The following NFATC2 variants were observed in gnomAD, a reference collection of about 807,000 sequenced individuals.
NFATC2 encodes nuclear factor of activated T cells 2, also known as nuclear factor of activated T-cells, cytoplasmic 2.
A neutral mutation model predicts 87.3 loss-of-function variants in NFATC2; 22 were observed. The observed-to-expected ratio is 0.25, with a 90% CI of 0.18 to 0.36. The LOEUF is 0.36. NFATC2 is among the 10% of genes least tolerant of loss of function. The pLI is 1.00. For synonymous variants in NFATC2, 565 were observed against 542.2 expected, an observed-to-expected ratio of 1.04 and a Z score of -0.58; for missense variants, 1,149 against 1,259.1, an observed-to-expected ratio of 0.91 and a Z score of 1.32.
At chr20:51,518,923 C>G (rs2076397284) in intron 2 of NFATC2, among the ~76,000 whole-genome samples, 1 of 152,172 alleles carries the variant, frequency 6.6e-6, no homozygotes, top group Non-Finnish European at 1.5e-5. Context: ...GCTTCAGCCT[C>G]CTGAGTAGCT....
intron 9 of NFATC2, among the ~76,000 whole-genome samples, chr20:51,430,334 T>A (rs761376): frequency 0.84 from 128,138 of 152,152 alleles, 53,978 homozygotes; most frequent in South Asian, 0.89. Context: ...TCATTGATCC[T>A]CCACGTTCTG....
Position 51,522,213 on chromosome 20 carries a change from C to A in NFATC2, c.1160+868G>T, listed in dbSNP as rs529382645. ...ATCTAATCCATTTTTTAAAAAAACA[C>A]AAGGTAGGTTCTATTATTTTCTCAC... On this transcript the variant is annotated intron_variant, in intron 2 of 10. Transcript: ENST00000371564. Among the ~76,000 whole-genome samples, 5 of 140,438 alleles carry A rather than the reference C, an allele frequency of 3.6e-5. No homozygotes were observed. In the South Asian group the frequency reaches 1.1e-3, roughly 30 times the overall value. 92.1% of individuals were successfully genotyped at this position (140,438 alleles called of 152,430 possible).
At chr20:51,460,296 T>C (rs1987003678) in intron 5 of NFATC2, among the ~76,000 whole-genome samples, 1 of 152,212 alleles carries the variant, frequency 6.6e-6, no homozygotes, top group Admixed American at 6.5e-5. Flanking sequence ...GTTAAGGCTA[T>C]AGTGTTGGAC....
intron 6 of NFATC2, among the ~76,000 whole-genome samples, chr20:51,438,443 G>GAA (rs11474098): frequency 0.035 from 4,890 of 138,882 alleles, 128 homozygotes; most frequent in East Asian, 0.083. Flanking sequence ...AGCTTGCTTT[G>GAA]AAAAAAAAAA....
intron 9 of NFATC2, among the ~76,000 whole-genome samples, chr20:51,405,470 A>C (rs936024782): frequency 2.0e-5 from 3 of 152,104 alleles, no homozygotes; most frequent in African/African-American, 7.2e-5. Context: ...GTCTGTTTGC[A>C]TGTGCCATGT....
upstream of NFATC2, chr20:51,562,814 G>C (rs553323791): frequency 5.2e-5 from 29 of 559,044 alleles, 1 homozygote; most frequent in Non-Finnish European, 7.6e-5. This position sits in a 1 kb window ranked among gnomAD's most constrained non-coding sequence, Gnocchi z 5.8. Context: ...GCGGCTCCGC[G>C]ATCCGGCTTA....
At chr20:51,459,896 A>G (rs1272124566) in intron 5 of NFATC2, among the ~76,000 whole-genome samples, 1 of 152,126 alleles carries the variant, frequency 6.6e-6, no homozygotes, top group Non-Finnish European at 1.5e-5. Context: ...CAAACAAAGA[A>G]ACAAAACAAA....
At chr20:51,525,285 C>T (rs6063664) in intron 1 of NFATC2, among the ~76,000 whole-genome samples, 123,875 of 152,142 alleles carry the variant, frequency 0.81, 50,848 homozygotes, top group African/African-American at 0.91. Context: ...CTAACTTCCT[C>T]TTTTAGCGGC....
intron 3 of NFATC2, among the ~76,000 whole-genome samples, chr20:51,507,041 G>A (rs1243389845): frequency 6.6e-6 from 1 of 152,206 alleles, no homozygotes; most frequent in East Asian, 1.9e-4. Context: ...AGCCCCGGCT[G>A]GAGCGCTCCA....
At chr20:51,414,915 T>C (rs901246975) in intron 9 of NFATC2, among the ~76,000 whole-genome samples, 1 of 151,752 alleles carries the variant, frequency 6.6e-6, no homozygotes, top group Non-Finnish European at 1.5e-5. Flanking sequence ...GCCTCTGGGG[T>C]CATTTCTAGG....
At chr20:51,536,175 T>C (rs1193465637) in intron 1 of NFATC2, among the ~76,000 whole-genome samples, 2 of 152,192 alleles carry the variant, frequency 1.3e-5, no homozygotes, top group African/African-American at 2.4e-5. Flanking sequence ...AGTAGCAAGA[T>C]ACAATTTCTA....
intron 9 of NFATC2, among the ~76,000 whole-genome samples, chr20:51,429,230 C>T (rs1179428303): frequency 6.6e-6 from 1 of 152,238 alleles, no homozygotes; most frequent in African/African-American, 2.4e-5. Flanking sequence ...ATCTTGGTGG[C>T]TACGGTGGAG....
At chr20:51,540,667 T>TTTTTTTTTTTTTTTTTTTTTGTTTGTTTG (rs1555818370) in intron 1 of NFATC2, among the ~76,000 whole-genome samples, 1 of 147,232 alleles carries the variant, frequency 6.8e-6, no homozygotes, top group Non-Finnish European at 1.5e-5. Flanking sequence ...TGTTTTTTTT[T>TTTTTTTTTTTTTTTTTTTTTGTTTGTTTG]TTTTGAGAAA....
intron 5 of NFATC2, among the ~76,000 whole-genome samples, chr20:51,467,815 C>T (rs1009983000): frequency 3.3e-5 from 5 of 152,200 alleles, no homozygotes; most frequent in African/African-American, 2.4e-5. Flanking sequence ...CTTCCTAGGT[C>T]ATTTACCCAA....
chr20:51,442,604 G>C (rs1212416627), intron 6 of NFATC2, among the ~76,000 whole-genome samples: 1 of 152,150 alleles, frequency 6.6e-6, no homozygotes, highest in Non-Finnish European at 1.5e-5. Flanking sequence ...GGGCCTGAAT[G>C]CGTGAGGTGA....
intron 8 of NFATC2, among the ~76,000 whole-genome samples, chr20:51,433,758 CAT>C (rs1491550374): frequency 0.054 from 4,769 of 88,986 alleles, 270 homozygotes; most frequent in African/African-American, 0.18. Context: ...TTCATGCATG[CAT>C]GTGTGTGTGT....
intron 1 of NFATC2, among the ~76,000 whole-genome samples, chr20:51,551,081 C>A (rs997771182): frequency 2.0e-5 from 3 of 152,334 alleles, no homozygotes; most frequent in East Asian, 3.9e-4. Context: ...CTCCCTTCAA[C>A]GGAAGCATTC....
intron 9 of NFATC2, among the ~76,000 whole-genome samples, chr20:51,401,850 AGGTGTCAACAAAT>A (rs1385398323): frequency 1.7e-3 from 4 of 2,422 alleles, no homozygotes; most frequent in Non-Finnish European, 4.5e-3. Context: ...TAAAAACACA[AGGTGTCAACAAAT>A]AGCCATTACA....
chr20:51,528,293 C>A (rs190339581), intron 1 of NFATC2, among the ~76,000 whole-genome samples: 15 of 152,184 alleles, frequency 9.9e-5, no homozygotes, highest in Admixed American at 7.2e-4. Context: ...TGAAGAAGTT[C>A]TTTATGCATT....
Sources: gnomAD v4.1 joint callset for allele counts (sites outside exome capture counted in the v4.1 genomes callset) on GRCh38, gnomAD v4.1.1 for gene constraint, Gnocchi (gnomAD v3.1) non-coding constraint, MANE v1.5 for transcripts, NCBI Gene and HGNC (gene_info 2026-07-23, HGNC 2026-07-21) for gene names.